GRIA1: variants seen among roughly 807,000 people sequenced by gnomAD.
GRIA1 encodes the protein glutamate receptor 1.
Under a neutral mutation model 99.2 loss-of-function variants are expected in GRIA1, and 31 were observed. The ratio of observed to expected loss-of-function variants is 0.31; its 90% CI spans 0.23 to 0.42. The LOEUF is 0.42. GRIA1 is among the 10% of genes least tolerant of loss of function. The pLI, the probability that GRIA1 is intolerant of heterozygous loss-of-function variation, is 1.00. For missense variants in GRIA1, 782 were observed against 1,157.5 expected, an observed-to-expected ratio of 0.68 and a Z score of 4.71; for synonymous variants, 438 against 432.4, an observed-to-expected ratio of 1.01 and a Z score of -0.16.
intron 14 of GRIA1, among the ~76,000 whole-genome samples, chr5:153,799,605 G>A (rs1340966025): frequency 6.6e-6 from 1 of 152,096 alleles, no homozygotes; most frequent in African/African-American, 2.4e-5. Flanking sequence ...GTGGCAATTG[G>A]GCCCAGGTTC....
intron 2 of GRIA1, among the ~76,000 whole-genome samples, chr5:153,593,159 C>T (rs879440594): frequency 5.9e-5 from 9 of 152,094 alleles, no homozygotes; most frequent in Admixed American, 5.2e-4. Flanking sequence ...CGCAGCCACT[C>T]GGGAGGCTGA....
At chr5:153,752,843 G>A (rs1019437481) in intron 11 of GRIA1, among the ~76,000 whole-genome samples, 7 of 152,212 alleles carry the variant, frequency 4.6e-5, no homozygotes, top group Non-Finnish European at 8.8e-5. Context: ...TTAAGACACA[G>A]AGATTATCTA....
intron 2 of GRIA1, among the ~76,000 whole-genome samples, chr5:153,631,579 G>A (rs934101059): frequency 1.3e-5 from 2 of 152,124 alleles, no homozygotes; most frequent in African/African-American, 4.8e-5. Context: ...TCAGAGAGAC[G>A]ACTCTAAGGT....
intron 5 of GRIA1, among the ~76,000 whole-genome samples, chr5:153,660,911 G>A (rs550720643): frequency 4.6e-5 from 7 of 152,258 alleles, no homozygotes; most frequent in South Asian, 2.1e-4. Context: ...AAGAGATGAC[G>A]GAGTTAGCCC....
intron 4 of GRIA1, among the ~76,000 whole-genome samples, chr5:153,651,984 G>A (rs1329086134): frequency 1.3e-5 from 2 of 152,096 alleles, no homozygotes; most frequent in Admixed American, 1.3e-4. Context: ...TGTAAAATGG[G>A]CATCATCATC....
intron 13 of GRIA1, among the ~76,000 whole-genome samples, chr5:153,783,519 G>A (rs1036398223): frequency 6.6e-6 from 1 of 152,198 alleles, no homozygotes; most frequent in African/African-American, 2.4e-5. Context: ...TAGAATTCCT[G>A]TTGGAGGAGC....
rs868798408 is a variant in GRIA1, at chr5:153,668,604, A to G, written c.700-5896A>G. Among the ~76,000 whole-genome samples the G allele has an allele frequency of 1.4e-4, 21 of 152,294 alleles. No individual in the cohort carries two copies. The Middle Eastern group carries it at 0.01, about 74-fold the overall frequency. Reference sequence around the variant, plus strand: ...GAGCTGACTAGTTGTGACAAGAACTATATGGTTTGCAAAGCCTAAAATATT... The same window carrying G: ...GAGCTGACTAGTTGTGACAAGAACTGTATGGTTTGCAAAGCCTAAAATATT... On this transcript the variant is annotated intron_variant, in intron 5 of 15. Coordinates refer to ENST00000285900, the MANE Select transcript of GRIA1 (RefSeq NM_000827.4).
intron 2 of GRIA1, among the ~76,000 whole-genome samples, chr5:153,500,641 AC>A (rs1754923419): frequency 6.6e-6 from 1 of 150,492 alleles, no homozygotes; most frequent in Admixed American, 6.6e-5. Flanking sequence ...ACACACACAC[AC>A]ACACACACAC....
At chr5:153,567,327 T>C (rs1761724596) in intron 2 of GRIA1, among the ~76,000 whole-genome samples, 2 of 152,170 alleles carry the variant, frequency 1.3e-5, no homozygotes, top group African/African-American at 4.8e-5. Context: ...ATGATAAATA[T>C]GTTTAAGAAA....
At chr5:153,626,044 C>G (rs1035779989) in intron 2 of GRIA1, among the ~76,000 whole-genome samples, 1 of 152,200 alleles carries the variant, frequency 6.6e-6, no homozygotes, top group Admixed American at 6.5e-5. Context: ...GGAGGGAGAC[C>G]TGACTCTGCA....
chr5:153,807,751 G>T (rs1766537389), intron 15 of GRIA1, among the ~76,000 whole-genome samples: 1 of 152,122 alleles, frequency 6.6e-6, no homozygotes, highest in African/African-American at 2.4e-5. Flanking sequence ...AAAATCTCAG[G>T]TCCCCTGCCC....
chr5:153,566,068 T>C (rs1290519548), intron 2 of GRIA1, among the ~76,000 whole-genome samples: 2 of 152,064 alleles, frequency 1.3e-5, no homozygotes, highest in East Asian at 3.9e-4. Context: ...TCCAAAGTGA[T>C]TGCACCAGTT....
chr5:153,596,064 C>A, intron 2 of GRIA1, among the ~76,000 whole-genome samples: 1 of 150,826 alleles, frequency 6.6e-6, no homozygotes, highest in Non-Finnish European at 1.5e-5. Context: ...CACTAAGTAG[C>A]AAATTATGTC....
intron 2 of GRIA1, among the ~76,000 whole-genome samples, chr5:153,644,872 G>A (rs1393592096): frequency 6.6e-6 from 1 of 151,764 alleles, no homozygotes; most frequent in African/African-American, 2.4e-5. Context: ...CAGAGGAAGA[G>A]AGTGAAAGCC....
chr5:153,768,885 C>A (rs1192260026), intron 12 of GRIA1, among the ~76,000 whole-genome samples: 1 of 152,124 alleles, frequency 6.6e-6, no homozygotes, highest in Non-Finnish European at 1.5e-5. Flanking sequence ...TTGTAATAGC[C>A]AGACTGTAGT....
chr5:153,656,265 T>G (rs1185824467), intron 5 of GRIA1, among the ~76,000 whole-genome samples: 5 of 151,788 alleles, frequency 3.3e-5, no homozygotes, highest in Non-Finnish European at 7.4e-5. Context: ...ATAAATACAT[T>G]TACATCATAA....
At chr5:153,600,319 G>A (rs894707283) in intron 2 of GRIA1, among the ~76,000 whole-genome samples, 2 of 150,150 alleles carry the variant, frequency 1.3e-5, no homozygotes, top group African/African-American at 4.9e-5. Context: ...GTGAACCCAG[G>A]AGGCGGAGTT....
chr5:153,757,886 T>C (rs1762932602), intron 11 of GRIA1, among the ~76,000 whole-genome samples: 2 of 152,110 alleles, frequency 1.3e-5, no homozygotes, highest in African/African-American at 2.4e-5. Flanking sequence ...TAAAAGCAAA[T>C]ATACAGACAT....
chr5:153,791,025 T>C (rs1242479974), intron 13 of GRIA1, among the ~76,000 whole-genome samples: 1 of 152,140 alleles, frequency 6.6e-6, no homozygotes, highest in East Asian at 1.9e-4. Flanking sequence ...ATCAATGGCA[T>C]TGGATTAGAA....
Sources: gnomAD v4.1 joint callset for allele counts (sites outside exome capture counted in the v4.1 genomes callset) on GRCh38, gnomAD v4.1.1 for gene constraint, MANE v1.5 for transcripts, NCBI Gene and HGNC (gene_info 2026-07-23, HGNC 2026-07-21) for gene names.